DIAPH3: variants seen among roughly 807,000 people sequenced by gnomAD.
DIAPH3 encodes protein diaphanous homolog 3.
A neutral mutation model predicts 144.3 loss-of-function variants in DIAPH3; 117 were observed. The ratio of observed to expected loss-of-function variants is 0.81; its 90% CI spans 0.70 to 0.95. The LOEUF (loss-of-function observed/expected upper bound fraction) is 0.95, where lower values mean the gene tolerates loss of function less well. DIAPH3 is among the 40% of genes least tolerant of loss of function. The pLI is 0.00. For synonymous variants in DIAPH3, 519 were observed against 488.9 expected (o/e 1.06, Z -0.81); for missense variants, 1,421 against 1,412.7 (o/e 1.01, Z -0.09).
intron 4 of DIAPH3, among the ~76,000 whole-genome samples, chr13:60,049,916 A>G (rs1163821998): frequency 6.6e-6 from 1 of 152,218 alleles, no homozygotes; most frequent in Non-Finnish European, 1.5e-5. Context: ...GCGGCTAAGC[A>G]TGGTAGCTCA....
chr13:59,814,068 C>T (rs1039283152), intron 24 of DIAPH3, among the ~76,000 whole-genome samples: 3 of 151,848 alleles, frequency 2.0e-5, no homozygotes, highest in Admixed American at 2.0e-4. Flanking sequence ...GAGAAATGAA[C>T]AAGATGAACC....
At chr13:60,126,411 GATAAAGAAGTCACAACAAT>G (rs2058989978) in intron 2 of DIAPH3, among the ~76,000 whole-genome samples, 2 of 152,060 alleles carry the variant, frequency 1.3e-5, no homozygotes, top group South Asian at 4.1e-4. Flanking sequence ...ATTTATTAAA[GATAAAGAAGTCACAACAAT>G]CTTATATATG....
At chr13:60,080,214 T>C (rs2057508294) in intron 4 of DIAPH3, among the ~76,000 whole-genome samples, 2 of 151,938 alleles carry the variant, frequency 1.3e-5, no homozygotes, top group African/African-American at 4.8e-5. Context: ...CTTCAAACAA[T>C]ATTTCAGTGA....
At position 60,116,926 on chromosome 13, in the gene DIAPH3, G is replaced by T. The variant is rs1407061702; in HGVS notation, c.214-4740C>A. ...CTAAGAGCTTGAAATGCAGCATCAG[G>T]TTGAATACGTTGGTTTAATCCTTAA... is the stretch of plus-strand genomic sequence containing the variant. On this transcript the variant is annotated intron_variant, in intron 2 of 27. Transcript: ENST00000400324. 2.6e-5 allele frequency among the ~76,000 whole-genome samples: 4 copies of T among 152,080 alleles called. No individual in the cohort carries two copies. In the East Asian group the frequency reaches 5.8e-4, roughly 22 times the overall value.
At chr13:59,814,851 A>G (rs1207714206) in intron 24 of DIAPH3, among the ~76,000 whole-genome samples, 1 of 152,204 alleles carries the variant, frequency 6.6e-6, no homozygotes, top group East Asian at 1.9e-4. Context: ...TTACCCTCCA[A>G]GTGGAATGAT....
chr13:59,944,664 C>A (rs946080813), intron 17 of DIAPH3, among the ~76,000 whole-genome samples: 2 of 152,068 alleles, frequency 1.3e-5, no homozygotes, highest in African/African-American at 4.8e-5. Flanking sequence ...GCTACCCATA[C>A]CTTGTGTACA....
intron 1 of DIAPH3, among the ~76,000 whole-genome samples, chr13:60,152,546 A>C (rs1382785299): frequency 6.6e-6 from 1 of 151,268 alleles, no homozygotes; most frequent in Non-Finnish European, 1.5e-5. Flanking sequence ...ATTTAAAAAA[A>C]TCAAAATTGA....
intron 4 of DIAPH3, among the ~76,000 whole-genome samples, chr13:60,078,630 T>G (rs997457663): frequency 1.5e-4 from 23 of 152,038 alleles, no homozygotes; most frequent in African/African-American, 4.6e-4. Flanking sequence ...ACCTAAAATA[T>G]GATAAAAATT....
intron 5 of DIAPH3, among the ~76,000 whole-genome samples, chr13:60,040,333 T>TA (rs1470875307): frequency 2.6e-5 from 4 of 151,582 alleles, no homozygotes; most frequent in South Asian, 2.1e-4. Flanking sequence ...TCTTTTCAAT[T>TA]AAAAAAAACT....
intron 27 of DIAPH3, among the ~76,000 whole-genome samples, chr13:59,677,176 T>C (rs1180734332): frequency 6.6e-6 from 1 of 152,148 alleles, no homozygotes; most frequent in Non-Finnish European, 1.5e-5. Flanking sequence ...ATGATTTTAT[T>C]ACCTTGCTTC....
chr13:59,912,632 T>C (rs2047048985), intron 19 of DIAPH3, among the ~76,000 whole-genome samples: 1 of 152,180 alleles, frequency 6.6e-6, no homozygotes, highest in Non-Finnish European at 1.5e-5. Context: ...TCAACTATAA[T>C]AGCGTTACAA....
intron 17 of DIAPH3, among the ~76,000 whole-genome samples, chr13:59,942,712 CAAAA>C (rs1566550006): frequency 6.6e-6 from 1 of 151,908 alleles, no homozygotes; most frequent in Non-Finnish European, 1.5e-5. Flanking sequence ...TGTACATAAA[CAAAA>C]AAGATGTATA....
chr13:59,871,074 C>T (rs565207122), intron 21 of DIAPH3, among the ~76,000 whole-genome samples: 1 of 151,798 alleles, frequency 6.6e-6, no homozygotes, highest in Admixed American at 6.6e-5. Flanking sequence ...TTTCCAATTC[C>T]AATTGTTCAT....
intron 22 of DIAPH3, among the ~76,000 whole-genome samples, chr13:59,840,627 T>C (rs957306293): frequency 1.3e-5 from 2 of 152,170 alleles, no homozygotes; most frequent in Non-Finnish European, 2.9e-5. Context: ...AAAACCTAAA[T>C]GTATTTTCTT....
intron 20 of DIAPH3, among the ~76,000 whole-genome samples, chr13:59,882,921 C>A (rs896895311): frequency 3.3e-5 from 5 of 152,088 alleles, no homozygotes; most frequent in Non-Finnish European, 5.9e-5. Context: ...TGTAACCCCC[C>A]CACACACAGA....
chr13:59,952,531 A>G (rs937712944), intron 17 of DIAPH3, among the ~76,000 whole-genome samples: 2 of 152,110 alleles, frequency 1.3e-5, no homozygotes. Context: ...TTTACCTATA[A>G]TTTTTACTTT....
At chr13:59,697,491 A>AAAAAAAAAC (rs1555274392) in intron 27 of DIAPH3, among the ~76,000 whole-genome samples, 1 of 78,022 alleles carries the variant, frequency 1.3e-5, no homozygotes, top group Non-Finnish European at 2.5e-5. Context: ...AAAAAAAAAA[A>AAAAAAAAAC]AAGAAGAGGG....
At chr13:60,031,732 CTTTTTTTTTTTTTTTT>C in intron 5 of DIAPH3, among the ~76,000 whole-genome samples, 1 of 64,682 alleles carries the variant, frequency 1.5e-5, no homozygotes, top group East Asian at 5.1e-4. Context: ...GTCATTAAAT[CTTTTTTTTTTTTTTTT>C]TTTTTTTTTT....
chr13:59,735,674 AT>A (rs950824565), intron 27 of DIAPH3, among the ~76,000 whole-genome samples: 14 of 151,916 alleles, frequency 9.2e-5, no homozygotes, highest in East Asian at 7.7e-4. Flanking sequence ...CATGAGGTAG[AT>A]TTTTTTTTTC....
Sources: gnomAD v4.1 joint callset for allele counts (sites outside exome capture counted in the v4.1 genomes callset) on GRCh38, gnomAD v4.1.1 for gene constraint, MANE v1.5 for transcripts, NCBI Gene and HGNC (gene_info 2026-07-23, HGNC 2026-07-21) for gene names.